Variants in RUNX1 observed in about 807,000 individuals in gnomAD.
RUNX1 encodes the protein RUNX family transcription factor 1, also known as runt-related transcription factor 1.
A neutral mutation model predicts 42.8 loss-of-function variants in RUNX1; 19 were observed. That is an observed-to-expected ratio of 0.44 (90% CI 0.31 to 0.65). RUNX1 has a LOEUF of 0.65. Ranked by LOEUF, RUNX1 falls within the 30% of genes least tolerant of loss-of-function variation. RUNX1 has a pLI of 0.07. For missense variants in RUNX1, 528 were observed against 672.0 expected (o/e 0.79, Z 2.37); for synonymous variants, 271 against 289.4 (o/e 0.94, Z 0.64).
chr21:34,846,003 A>G (rs2057308944), intron 6 of RUNX1, among the ~76,000 whole-genome samples: 1 of 152,140 alleles, frequency 6.6e-6, no homozygotes. Flanking sequence ...AGAATAGCCC[A>G]TAATACTGTG....
intron 2 of RUNX1, among the ~76,000 whole-genome samples, chr21:34,897,399 A>G (rs563299582): frequency 4.1e-4 from 63 of 152,326 alleles, no homozygotes; most frequent in African/African-American, 1.4e-3. Context: ...CTGGAATTCA[A>G]TGCAAGGTCT....
At chr21:34,858,886 G>A (rs904511595) in intron 6 of RUNX1, among the ~76,000 whole-genome samples, 1 of 152,178 alleles carries the variant, frequency 6.6e-6, no homozygotes, top group Non-Finnish European at 1.5e-5. Flanking sequence ...TTCCCTCACA[G>A]GAGTTATTTT....
At chr21:34,909,533 A>G (rs1184019532) in intron 2 of RUNX1, among the ~76,000 whole-genome samples, 1 of 149,566 alleles carries the variant, frequency 6.7e-6, no homozygotes, top group African/African-American at 2.5e-5. Context: ...TGCAGCTCAC[A>G]TGTGGCTACA....
At chr21:35,010,432 C>G (rs2059117451) in intron 2 of RUNX1, among the ~76,000 whole-genome samples, 1 of 152,032 alleles carries the variant, frequency 6.6e-6, no homozygotes, top group Non-Finnish European at 1.5e-5. Flanking sequence ...GCCTTCTTAC[C>G]AGACACTTCA....
chr21:34,836,216 T>A (rs561259973), intron 6 of RUNX1, among the ~76,000 whole-genome samples: 1 of 152,360 alleles, frequency 6.6e-6, no homozygotes, highest in South Asian at 2.1e-4. Context: ...ACAGGAGACT[T>A]GAACGCAAAC....
intron 3 of RUNX1, chr21:34,888,019 G>A: frequency 3.8e-6 from 4 of 1,066,164 alleles, no homozygotes; most frequent in Non-Finnish European, 4.5e-6. Flanking sequence ...ACTCGGGTTT[G>A]GGGATGTTGG....
chr21:34,805,040 A>T lies in RUNX1; in HGVS notation c.806-5578T>A, dbSNP rs377459907. On this transcript the variant is annotated intron_variant, in intron 7 of 8. Transcript: ENST00000675419. ...AGTGCTGGGATTACAGGCATGAGCC[A>T]CCGTGCCCAGCCTGAAACTCTTAAC... Among the ~76,000 whole-genome samples the T allele has an allele frequency of 8.4e-4, 128 of 152,338 alleles. 2 individuals are homozygous for T. In the South Asian group the frequency reaches 0.024, roughly 28 times the overall value.
At chr21:35,004,383 G>T (rs1569147104) in intron 2 of RUNX1, among the ~76,000 whole-genome samples, 1 of 152,178 alleles carries the variant, frequency 6.6e-6, no homozygotes, top group Non-Finnish European at 1.5e-5. Context: ...GACCTCAATT[G>T]CTTGGCCATA....
At chr21:35,035,816 A>G (rs2059303577) in intron 2 of RUNX1, among the ~76,000 whole-genome samples, 1 of 152,234 alleles carries the variant, frequency 6.6e-6, no homozygotes, top group African/African-American at 2.4e-5. Flanking sequence ...GGCTCACTGC[A>G]GGTCTCTCTC....
At chr21:34,863,497 A>T (rs1415241754) in intron 5 of RUNX1, among the ~76,000 whole-genome samples, 1 of 151,298 alleles carries the variant, frequency 6.6e-6, no homozygotes, top group Non-Finnish European at 1.5e-5. Flanking sequence ...AATCAAAGTG[A>T]TAATTTGTGA....
intron 6 of RUNX1, among the ~76,000 whole-genome samples, chr21:34,841,081 C>T (rs1601428511): frequency 6.6e-6 from 1 of 152,316 alleles, no homozygotes; most frequent in South Asian, 2.1e-4. Flanking sequence ...CATTTCCCAG[C>T]TTCTTGTCTG....
intron 2 of RUNX1, chr21:35,038,651 TAGAGAGAG>T (rs145814354): frequency 5.0e-6 from 2 of 401,610 alleles, no homozygotes; most frequent in Non-Finnish European, 9.7e-6. Context: ...GTGTGTGAGA[TAGAGAGAG>T]AGAGAGAGAG....
At chr21:35,011,231 A>G (rs1342524642) in intron 2 of RUNX1, among the ~76,000 whole-genome samples, 1 of 152,204 alleles carries the variant, frequency 6.6e-6, no homozygotes, top group African/African-American at 2.4e-5. Flanking sequence ...AAACAGGGAA[A>G]GGGTTAAGTA....
At chr21:34,800,585 G>T (rs995190744) in intron 7 of RUNX1, among the ~76,000 whole-genome samples, 3 of 152,148 alleles carry the variant, frequency 2.0e-5, no homozygotes, top group Non-Finnish European at 4.4e-5. Flanking sequence ...ATAAAGAAAT[G>T]AGCTATTTCT....
At chr21:34,798,137 C>G (rs964237090) in intron 8 of RUNX1, 2 of 456,554 alleles carry the variant, frequency 4.4e-6, no homozygotes, top group Non-Finnish European at 8.8e-6. Context: ...GCAGACATGA[C>G]TCCACTGCCC....
intron 2 of RUNX1, among the ~76,000 whole-genome samples, chr21:34,988,900 C>T (rs1470523903): frequency 6.6e-6 from 1 of 152,114 alleles, no homozygotes; most frequent in Admixed American, 6.5e-5. Flanking sequence ...GGCTCTGAGG[C>T]CCCCACATCC....
intron 2 of RUNX1, among the ~76,000 whole-genome samples, chr21:34,923,408 T>A (rs2058369343): frequency 1.3e-5 from 2 of 152,234 alleles, no homozygotes; most frequent in Admixed American, 1.3e-4. Flanking sequence ...CCGGCCCTGT[T>A]CACCCTGATG....
At chr21:34,883,170 T>C (rs867534136) in intron 4 of RUNX1, among the ~76,000 whole-genome samples, 17 of 152,124 alleles carry the variant, frequency 1.1e-4, no homozygotes, top group African/African-American at 3.9e-4. Flanking sequence ...AAAATTATCA[T>C]GGAGGCTAAA....
chr21:34,986,092 G>A (rs140299336), intron 2 of RUNX1, among the ~76,000 whole-genome samples: 125 of 151,914 alleles, frequency 8.2e-4, no homozygotes, highest in African/African-American at 2.6e-3. Context: ...GGCTGATCTC[G>A]AACTCCTGGG....
Sources: gnomAD v4.1 joint callset for allele counts (sites outside exome capture counted in the v4.1 genomes callset) on GRCh38, gnomAD v4.1.1 for gene constraint, MANE v1.5 for transcripts, NCBI Gene and HGNC (gene_info 2026-07-23, HGNC 2026-07-21) for gene names.